Variants in NBAS observed in about 807,000 individuals in gnomAD.
NBAS encodes NBAS subunit of NRZ tethering complex, also known as NAG/BC035112 fusion.
In NBAS, 219 loss-of-function variants were observed where a neutral mutation model predicts 302.5. The ratio of observed to expected loss-of-function variants is 0.72; its 90% confidence interval spans 0.65 to 0.81. The LOEUF is 0.81. NBAS is among the 30% of genes least tolerant of loss of function. The pLI, the probability that NBAS is intolerant of heterozygous loss-of-function variation, is 0.00. For synonymous variants in NBAS, 1,118 were observed against 1,021.6 expected (o/e 1.09, Z -1.80); for missense variants, 2,932 against 2,841.6 (o/e 1.03, Z -0.72).
the NBAS span, among the ~76,000 whole-genome samples, chr2:14,854,079 T>A: frequency 0.51 from 75,666 of 149,060 alleles, 19,918 homozygotes; most frequent in African/African-American, 0.66. Flanking sequence ...TAATAAAAAA[T>A]AATAATAATA....
At chr2:15,003,637 G>A in the NBAS span, among the ~76,000 whole-genome samples, 35 of 152,300 alleles carry the variant, frequency 2.3e-4, no homozygotes, top group Admixed American at 2.0e-3. Flanking sequence ...TGAGAGTGAG[G>A]GGACGAAGGG....
intron 23 of NBAS, among the ~76,000 whole-genome samples, chr2:15,422,424 G>A (rs533320314): frequency 3.3e-5 from 5 of 152,012 alleles, no homozygotes; most frequent in African/African-American, 4.8e-5. Flanking sequence ...AATGCAGGAC[G>A]TTACTAATAA....
the NBAS span, among the ~76,000 whole-genome samples, chr2:15,099,950 A>G: frequency 6.6e-6 from 1 of 152,238 alleles, no homozygotes; most frequent in Non-Finnish European, 1.5e-5. Context: ...TAGGGGGAAA[A>G]TGACTATTAG....
chr2:14,973,972 A>G, the NBAS span, among the ~76,000 whole-genome samples: 1 of 152,156 alleles, frequency 6.6e-6, no homozygotes, highest in African/African-American at 2.4e-5. Flanking sequence ...CGTACAAATC[A>G]TTCTCATTCT....
At chr2:15,042,628 G>C in the NBAS span, among the ~76,000 whole-genome samples, 1 of 152,164 alleles carries the variant, frequency 6.6e-6, no homozygotes, top group South Asian at 2.1e-4. Flanking sequence ...TTCTCAATGA[G>C]AGATGAGGAT....
At chr2:15,132,162 C>T in the NBAS span, among the ~76,000 whole-genome samples, 8 of 152,202 alleles carry the variant, frequency 5.3e-5, no homozygotes, top group African/African-American at 1.9e-4. Context: ...ATAGCCAAAA[C>T]TTGGAAGCAA....
chr2:15,346,089 C>CG (rs1673075121), intron 35 of NBAS, among the ~76,000 whole-genome samples: 1 of 152,000 alleles, frequency 6.6e-6, no homozygotes, highest in African/African-American at 2.4e-5. Flanking sequence ...TTCAGGACAT[C>CG]GGCAAGGGCA....
chr2:14,975,173 T>A, the NBAS span, among the ~76,000 whole-genome samples: 1 of 152,130 alleles, frequency 6.6e-6, no homozygotes, highest in Non-Finnish European at 1.5e-5. Flanking sequence ...AGGCCAGCCA[T>A]CATTTTGATT....
the NBAS span, among the ~76,000 whole-genome samples, chr2:15,153,045 C>A: frequency 1.2e-4 from 19 of 152,290 alleles, no homozygotes; most frequent in African/African-American, 4.6e-4. Context: ...GGTTGTCCAC[C>A]AAGATGCTGA....
At chr2:14,859,203 A>C in the NBAS span, among the ~76,000 whole-genome samples, 1 of 152,046 alleles carries the variant, frequency 6.6e-6, no homozygotes, top group Admixed American at 6.6e-5. Flanking sequence ...AAATTAAAGA[A>C]AGATATTCCA....
the NBAS span, among the ~76,000 whole-genome samples, chr2:14,944,828 G>A: frequency 1.1e-4 from 16 of 152,040 alleles, no homozygotes; most frequent in Non-Finnish European, 1.6e-4. Flanking sequence ...CAAGTGAGCA[G>A]AAAATTTTTA....
chr2:15,258,288 T>G (rs1413234994), intron 44 of NBAS, among the ~76,000 whole-genome samples: 1 of 152,112 alleles, frequency 6.6e-6, no homozygotes, highest in Admixed American at 6.5e-5. Context: ...AATGTGTGTT[T>G]GAACAATATG....
At chr2:15,014,054 T>G in the NBAS span, among the ~76,000 whole-genome samples, 36 of 151,682 alleles carry the variant, frequency 2.4e-4, no homozygotes, top group African/African-American at 8.2e-4. Context: ...AGGAGACAAA[T>G]AATGACATTA....
chr2:14,959,134 T>G, the NBAS span, among the ~76,000 whole-genome samples: 1 of 152,196 alleles, frequency 6.6e-6, no homozygotes, highest in Admixed American at 6.5e-5. Context: ...CACCACCAGT[T>G]GGTTTGGTGA....
At position 15,424,454 on chromosome 2, in the gene NBAS, G is replaced by T. The variant is rs759099309; in HGVS notation, c.2438C>A (p.Pro813Gln). 1 of 1,614,014 alleles carries T rather than the reference G, an allele frequency of 6.2e-7. No homozygotes were observed. The highest frequency in any genetic ancestry group is 1.3e-5 in the African/African-American group (1 of 75,004). ...EELACRMVVE[P>Q]NLQDESEFLY... ...GAATTCACTTTCATCTTGGAGATTCGGCTCAACAACCATTCTGTGAAGCAC... is the reference window on the plus strand; with the variant it reads ...GAATTCACTTTCATCTTGGAGATTCTGCTCAACAACCATTCTGTGAAGCAC... The change falls in exon 23 of 52, where the codon CCG becomes CAG. Residue 813 changes from proline (P) to glutamine (Q), a missense_variant. By Grantham distance (76) the Pro-to-Gln change is moderately conservative (BLOSUM62 -1). Coordinates refer to ENST00000281513, the MANE Select transcript of NBAS (RefSeq NM_015909.4).
intron 8 of NBAS, 147 bp from the exon 9 acceptor site, chr2:15,534,788 A>T (rs1163991772): frequency 1.5e-6 from 1 of 687,796 alleles, no homozygotes; most frequent in African/African-American, 1.8e-5. Context: ...AATACGTCAC[A>T]ATGAGAAGGT....
chr2:15,425,504 T>C (rs1481676754), intron 22 of NBAS, among the ~76,000 whole-genome samples: 1 of 152,234 alleles, frequency 6.6e-6, no homozygotes, highest in Non-Finnish European at 1.5e-5. Flanking sequence ...TAATTTTATT[T>C]ACTGTTATTT....
chr2:15,295,227 C>A (rs1670491935), intron 40 of NBAS, among the ~76,000 whole-genome samples: 1 of 152,164 alleles, frequency 6.6e-6, no homozygotes, highest in Non-Finnish European at 1.5e-5. Flanking sequence ...AAGAGAAAAG[C>A]TCCAAAATAT....
In NBAS at chr2:15,496,974, A is replaced by G. The variant is rs576555720; in HGVS notation, c.954+7171T>C. Among the ~76,000 whole-genome samples, 82 of 152,340 alleles carry G rather than the reference A, an allele frequency of 5.4e-4. No homozygotes were observed. In the Middle Eastern group the frequency reaches 0.017, roughly 32 times the overall value. ...AGAGGAGTCTGAGGATATGAAAAATAGAGCTGATGCCCAAAGATGAGAAAA... is the reference window on the plus strand; with the variant it reads ...AGAGGAGTCTGAGGATATGAAAAATGGAGCTGATGCCCAAAGATGAGAAAA... On this transcript the variant is annotated intron_variant, in intron 11 of 51. Transcript: ENST00000281513.
Sources: allele counts gnomAD v4.1 joint callset (sites outside exome capture counted in the v4.1 genomes callset), GRCh38; gene constraint gnomAD v4.1.1; transcripts MANE v1.5; gene names NCBI Gene and HGNC (gene_info 2026-07-23, HGNC 2026-07-21).